Variants in HYAL4 observed in about 807,000 individuals in gnomAD.
HYAL4 encodes hyaluronidase 4.
Under a neutral mutation model 35.2 loss-of-function variants are expected in HYAL4, and 37 were observed. The observed-to-expected ratio is 1.05, with a 90% CI of 0.81 to 1.38. HYAL4 has a LOEUF of 1.38. HYAL4 is among the 40% of genes most tolerant of loss of function. The pLI is 0.00. For missense variants in HYAL4, 572 were observed against 572.4 expected (o/e 1.00, Z 0.01); for synonymous variants, 198 against 203.2 (o/e 0.97, Z 0.22).
chr7:123,868,579 A>C lies in HYAL4; in HGVS notation c.306A>C (p.Thr102=). The change falls in exon 3 of 5, where the codon ACA becomes ACC. Residue 102 remains threonine, a synonymous_variant. Transcript: ENST00000223026. ...VNRLGYYPWY[T]SQGVPINGGL... ...GATTGGGATACTATCCGTGGTATAC[A>C]TCACAAGGGGTCCCCATTAATGGAG... 6.2e-7 allele frequency: 1 copy of C among 1,614,218 alleles called. No homozygotes were observed. Among genetic ancestry groups the C allele is most frequent in the Non-Finnish European group, 8.5e-7 (1 of 1,180,034 alleles).
At chr7:123,835,223 G>T (rs1805946342) in intron 1 of HYAL4, among the ~76,000 whole-genome samples, 1 of 147,934 alleles carries the variant, frequency 6.8e-6, no homozygotes, top group Non-Finnish European at 1.5e-5. Context: ...CTTTTTCATT[G>T]GTAATTTTTT....
the HYAL4 span, among the ~76,000 whole-genome samples, chr7:123,823,721 T>G: frequency 1.1e-5 from 1 of 87,320 alleles, no homozygotes; most frequent in African/African-American, 7.3e-5. Context: ...TATATACACA[T>G]ATATATTTTA....
chr7:123,797,189 A>G, the HYAL4 span, among the ~76,000 whole-genome samples: 58 of 152,354 alleles, frequency 3.8e-4, no homozygotes, highest in Non-Finnish European at 6.6e-4. Context: ...ATGAGACTCA[A>G]TCGTAAATGG....
chr7:123,863,334 G>A (rs1314774226), intron 2 of HYAL4, among the ~76,000 whole-genome samples: 2 of 148,322 alleles, frequency 1.3e-5, no homozygotes, highest in African/African-American at 5.3e-5. Context: ...AAGTGCCTCT[G>A]CCTTCATCAT....
At chr7:123,853,387 A>G (rs1373956557) in intron 2 of HYAL4, among the ~76,000 whole-genome samples, 1 of 152,080 alleles carries the variant, frequency 6.6e-6, no homozygotes, top group East Asian at 1.9e-4. Flanking sequence ...AATAGCTCTT[A>G]TTGTATTGAG....
intron 2 of HYAL4, among the ~76,000 whole-genome samples, chr7:123,867,051 CTGG>C (rs528892095): frequency 6.6e-6 from 1 of 152,158 alleles, no homozygotes; most frequent in South Asian, 2.1e-4. Context: ...CACCAAAGTG[CTGG>C]GATTATAGGC....
Position 123,868,564 on chromosome 7 carries a change from C to T in HYAL4, c.291C>T (p.Tyr97=). Residue 97 remains tyrosine (Y), a synonymous_variant, in exon 3 of 5, where the codon TAC becomes TAT. Coordinates refer to ENST00000223026, the MANE Select transcript of HYAL4 (RefSeq NM_012269.3). Reference sequence around the variant, plus strand: ...TATTTTATGTCAACAGATTGGGATACTATCCGTGGTATACATCACAAGGGG... The same window carrying T: ...TATTTTATGTCAACAGATTGGGATATTATCCGTGGTATACATCACAAGGGG... ...VTIFYVNRLG[Y]YPWYTSQGVP... 2 of 1,613,926 alleles carry T rather than the reference C, an allele frequency of 1.2e-6. No homozygotes were observed. Among genetic ancestry groups the T allele is most frequent in the Non-Finnish European group, 1.7e-6 (2 of 1,179,954 alleles).
At chr7:123,819,352 G>A in the HYAL4 span, 3 of 152,624 alleles carry the variant, frequency 2.0e-5, no homozygotes, top group East Asian at 3.8e-4. Flanking sequence ...AGGACTTAGT[G>A]CATGCAATTG....
intron 2 of HYAL4, among the ~76,000 whole-genome samples, chr7:123,864,044 G>T (rs768735277): frequency 6.6e-6 from 1 of 152,142 alleles, no homozygotes; most frequent in Non-Finnish European, 1.5e-5. Flanking sequence ...GATGAGGTGA[G>T]GTGCTTGAGC....
chr7:123,861,416 G>A (rs1471241599), intron 2 of HYAL4, among the ~76,000 whole-genome samples: 1 of 152,174 alleles, frequency 6.6e-6, no homozygotes, highest in Non-Finnish European at 1.5e-5. Flanking sequence ...GTTAAAAACA[G>A]GTTGACAGAG....
the HYAL4 span, among the ~76,000 whole-genome samples, chr7:123,813,497 G>A: frequency 6.7e-6 from 1 of 148,768 alleles, no homozygotes; most frequent in African/African-American, 2.5e-5. Context: ...TTGTTTATAT[G>A]CCTAAGAAGA....
chr7:123,826,173 A>G (rs181309256), upstream of HYAL4, among the ~76,000 whole-genome samples: 3 of 152,218 alleles, frequency 2.0e-5, no homozygotes, highest in African/African-American at 7.2e-5. Flanking sequence ...CATAATGGGT[A>G]GAATGTCACT....
At chr7:123,828,873 T>C (rs1805839672), upstream of HYAL4, 3 of 152,600 alleles carry the variant, frequency 2.0e-5, no homozygotes, top group Non-Finnish European at 2.9e-5. Context: ...CCTTACCAAA[T>C]ACAAAACTTT....
upstream of HYAL4, chr7:123,844,444 C>T (rs1011188405): frequency 6.6e-6 from 1 of 152,208 alleles, no homozygotes; most frequent in African/African-American, 2.4e-5. Flanking sequence ...GTTGTCTGTC[C>T]ACCTCTACTG....
chr7:123,863,266 C>T (rs770272898), intron 2 of HYAL4, among the ~76,000 whole-genome samples: 1 of 152,066 alleles, frequency 6.6e-6, no homozygotes. Context: ...TAGAAGGGAG[C>T]CTGGTACATA....
At chr7:123,800,574 A>C in the HYAL4 span, among the ~76,000 whole-genome samples, 1 of 152,078 alleles carries the variant, frequency 6.6e-6, no homozygotes, top group African/African-American at 2.4e-5. Flanking sequence ...ATTAGAATGC[A>C]ATCACTTCAT....
chr7:123,781,679 G>T, the HYAL4 span, among the ~76,000 whole-genome samples: 1 of 152,032 alleles, frequency 6.6e-6, no homozygotes, highest in Non-Finnish European at 1.5e-5. Context: ...AGACTTCAAA[G>T]ATTTAATATG....
the HYAL4 span, among the ~76,000 whole-genome samples, chr7:123,785,945 AAACAAAAC>A: frequency 1.4e-5 from 1 of 71,228 alleles, no homozygotes; most frequent in South Asian, 3.9e-4. This position sits in a 1 kb window ranked among gnomAD's most constrained non-coding sequence, Gnocchi z 4.5. Context: ...AGAAACAAGA[AAACAAAAC>A]AAAACAAAAC....
At chr7:123,815,238 A>T in the HYAL4 span, among the ~76,000 whole-genome samples, 8 of 152,202 alleles carry the variant, frequency 5.3e-5, no homozygotes, top group Non-Finnish European at 1.2e-4. Context: ...ACACTTTTGG[A>T]TAATGATTCT....
Sources: allele counts gnomAD v4.1 joint callset (sites outside exome capture counted in the v4.1 genomes callset), GRCh38; gene constraint gnomAD v4.1.1; non-coding constraint Gnocchi (gnomAD v3.1); transcripts MANE v1.5; gene names NCBI Gene and HGNC (gene_info 2026-07-23, HGNC 2026-07-21).